LRRFIP2: variants seen among roughly 807,000 people sequenced by gnomAD.
The protein encoded by LRRFIP2 is leucine-rich repeat flightless-interacting protein 2.
Under a neutral mutation model 125.9 loss-of-function variants are expected in LRRFIP2, and 109 were observed. That is an observed-to-expected ratio of 0.87 (90% confidence interval 0.74 to 1.01). The LOEUF is 1.01. LRRFIP2 is among the 50% of genes least tolerant of loss of function. The pLI is 0.00. For missense variants in LRRFIP2, 850 were observed against 862.3 expected (o/e 0.99, Z 0.18); for synonymous variants, 291 against 293.1 (o/e 0.99, Z 0.07).
intron 6 of LRRFIP2, among the ~76,000 whole-genome samples, chr3:37,119,170 T>C (rs1357678336): frequency 2.6e-5 from 4 of 152,180 alleles, no homozygotes; most frequent in African/African-American, 7.2e-5. Context: ...TGTAAAACTT[T>C]TATTAATTTT....
Position 37,063,737 on chromosome 3 carries a change from T to C in LRRFIP2, c.1749+5A>G, listed in dbSNP as rs1365059663. 1.2e-6 allele frequency: 2 copies of C among 1,607,014 alleles called. No homozygotes were observed. The highest frequency in any genetic ancestry group is 2.2e-5 in the East Asian group (1 of 44,766). ...TATATTACACTCCAATAAGAATGCC[T>C]TTACCTGTGACAGTAGTTCTTCCTT... On this transcript the variant is annotated splice_donor_5th_base_variant and intron_variant, in intron 24 of 27. Coordinates refer to ENST00000336686, the MANE Select transcript of LRRFIP2 (RefSeq NM_006309.4).
At position 37,060,062 on chromosome 3, in the gene LRRFIP2, A is replaced by G. The variant is rs921361866; in HGVS notation, c.1750-1152T>C. 6.6e-6 allele frequency among the ~76,000 whole-genome samples: 1 copy of G among 152,154 alleles called. No individual in the cohort carries two copies. The highest frequency in any genetic ancestry group is 6.5e-5 in the Admixed American group (1 of 15,280). The stretch of plus-strand genomic sequence containing the variant: ...TCATTCCTATTTATGTGCATCTCAC[A>G]AAGGGTCATATCCTTCCTCTGCAGT... On this transcript the variant is annotated intron_variant, in intron 24 of 27. Transcript: ENST00000336686. This position sits in a 1 kb window ranked among gnomAD's most constrained non-coding sequence, Gnocchi z 4.1.
intron 1 of LRRFIP2, among the ~76,000 whole-genome samples, chr3:37,164,704 GAA>G (rs764073081): frequency 6.0e-4 from 84 of 140,664 alleles, no homozygotes; most frequent in African/African-American, 2.0e-3. Flanking sequence ...CTGGATGACA[GAA>G]AAAGACTCCG....
chr3:37,075,159 A>G (rs2091849609), intron 19 of LRRFIP2, 43 bp from the exon 20 acceptor site: 3 of 1,414,124 alleles, frequency 2.1e-6, no homozygotes, highest in Non-Finnish European at 3.0e-6. Flanking sequence ...GTCATGGCAC[A>G]CAAGAAATTT....
At chr3:37,130,013 A>C (rs919079138) in intron 2 of LRRFIP2, among the ~76,000 whole-genome samples, 2 of 152,146 alleles carry the variant, frequency 1.3e-5, no homozygotes, top group Admixed American at 6.6e-5. Flanking sequence ...AAATAAATGT[A>C]TACAATTCTG....
intron 1 of LRRFIP2, among the ~76,000 whole-genome samples, chr3:37,163,667 A>G (rs1435092973): frequency 6.6e-6 from 1 of 152,250 alleles, no homozygotes; most frequent in African/African-American, 2.4e-5. Flanking sequence ...GTAATTATTC[A>G]TTAAAGTAGT....
At chr3:37,084,589 C>A (rs956827496) in intron 18 of LRRFIP2, among the ~76,000 whole-genome samples, 1 of 152,076 alleles carries the variant, frequency 6.6e-6, no homozygotes, top group Non-Finnish European at 1.5e-5. Flanking sequence ...CCGATTGAGC[C>A]CAGGAGGTCA....
chr3:37,124,920 T>C (rs2095218099), intron 4 of LRRFIP2, among the ~76,000 whole-genome samples: 1 of 152,146 alleles, frequency 6.6e-6, no homozygotes. Flanking sequence ...CAGCAAACTG[T>C]GTTCTTAGGT....
chr3:37,166,141 C>T (rs1258372929), intron 1 of LRRFIP2, among the ~76,000 whole-genome samples: 1 of 151,974 alleles, frequency 6.6e-6, no homozygotes, highest in Non-Finnish European at 1.5e-5. Flanking sequence ...GCCAGCCTGG[C>T]CAACATGGTG....
intron 21 of LRRFIP2, chr3:37,068,252 A>G (rs1365731323): frequency 1.3e-5 from 2 of 152,238 alleles, no homozygotes; most frequent in Non-Finnish European, 2.9e-5. Context: ...TATGTCATGT[A>G]TCACCACATA....
chr3:37,125,417 G>A (rs1327779610), intron 4 of LRRFIP2, among the ~76,000 whole-genome samples: 1 of 152,224 alleles, frequency 6.6e-6, no homozygotes, highest in Non-Finnish European at 1.5e-5. Context: ...CCAGGAAGGT[G>A]TGGGTCCTTT....
At chr3:37,077,935 A>C (rs1337940570) in intron 19 of LRRFIP2, among the ~76,000 whole-genome samples, 2 of 152,198 alleles carry the variant, frequency 1.3e-5, no homozygotes, top group Non-Finnish European at 2.9e-5. Context: ...CTTACTTATG[A>C]GTTTGGTACA....
intron 1 of LRRFIP2, among the ~76,000 whole-genome samples, chr3:37,169,733 G>A (rs2096559745): frequency 6.6e-6 from 1 of 152,174 alleles, no homozygotes; most frequent in South Asian, 2.1e-4. Context: ...CCCTAAAGCA[G>A]TAAAGATATC....
At chr3:37,075,854 G>T (rs533199741) in intron 19 of LRRFIP2, among the ~76,000 whole-genome samples, 49 of 152,052 alleles carry the variant, frequency 3.2e-4, no homozygotes, top group African/African-American at 1.2e-3. Context: ...TATAGACCAA[G>T]GGAGCAGAAT....
chr3:37,083,603 C>T lies in LRRFIP2; in HGVS notation c.1278+33G>A, dbSNP rs199664694. The T allele has an allele frequency of 2.6e-4, 390 of 1,475,660 alleles. 1 individual carries two copies. In the Middle Eastern group the frequency reaches 4.0e-3, roughly 15 times the overall value. 91.4% of individuals were successfully genotyped at this position (1,475,660 alleles called of 1,614,324 possible). The stretch of plus-strand genomic sequence containing the variant: ...TTTGTAAGTGGCAGGCTTTTATTTT[C>T]TGCCCCAAGAGAAAATACAAGATAA... On this transcript the variant is annotated intron_variant, in intron 19 of 27. Coordinates refer to ENST00000336686, the MANE Select transcript of LRRFIP2 (RefSeq NM_006309.4).
At chr3:37,089,668 G>C (rs979538847) in intron 18 of LRRFIP2, among the ~76,000 whole-genome samples, 1 of 152,110 alleles carries the variant, frequency 6.6e-6, no homozygotes, top group Non-Finnish European at 1.5e-5. Context: ...TTCAAAGAAT[G>C]CAATAAATGG....
chr3:37,056,195 T>G (rs200667722), intron 25 of LRRFIP2, among the ~76,000 whole-genome samples: 1 of 152,196 alleles, frequency 6.6e-6, no homozygotes, highest in East Asian at 1.9e-4. Context: ...TATAAGTTAC[T>G]AGATGAACAT....
At chr3:37,073,719 A>T (rs2091632973) in intron 20 of LRRFIP2, among the ~76,000 whole-genome samples, 1 of 152,226 alleles carries the variant, frequency 6.6e-6, no homozygotes, top group Admixed American at 6.5e-5. Context: ...AGCCACAGTG[A>T]TGAACTATAG....
chr3:37,066,228 C>G lies in LRRFIP2; in HGVS notation c.1562G>C (p.Gly521Ala). The change falls in exon 22 of 28, where the codon GGA becomes GCA. Residue 521 changes from glycine to alanine, a missense_variant. Coordinates refer to ENST00000336686, the MANE Select transcript of LRRFIP2 (RefSeq NM_006309.4). The part of the protein sequence containing the change: ...LADLQETVKT[G>A]EKHGLVIIPD... ...TCCAGGCTAATGCTAACATACCTCT[C>G]CCGTCTTCACTGTCTCCTGCAGGTC... 1.2e-6 allele frequency: 2 copies of G among 1,613,626 alleles called. No homozygotes were observed. The highest frequency in any genetic ancestry group is 1.7e-6 in the Non-Finnish European group (2 of 1,179,526).
Sources: gnomAD v4.1 joint callset for allele counts (sites outside exome capture counted in the v4.1 genomes callset) on GRCh38, gnomAD v4.1.1 for gene constraint, Gnocchi (gnomAD v3.1) non-coding constraint, MANE v1.5 for transcripts, NCBI Gene and HGNC (gene_info 2026-07-23, HGNC 2026-07-21) for gene names.